SAMTOR: variants seen among roughly 807,000 people sequenced by gnomAD.
The protein encoded by SAMTOR is S-adenosylmethionine sensor upstream of mTORC1, also known as UPF0532 protein C7orf60.
chr7:112,828,322 T>C, the SAMTOR span, among the ~76,000 whole-genome samples: 1 of 152,194 alleles, frequency 6.6e-6, no homozygotes, highest in Admixed American at 6.5e-5. Flanking sequence ...TTTTGAGGGC[T>C]GTGAGGGAGA....
At chr7:112,876,534 A>G in the SAMTOR span, among the ~76,000 whole-genome samples, 1 of 152,126 alleles carries the variant, frequency 6.6e-6, no homozygotes, top group Non-Finnish European at 1.5e-5. Context: ...TACCTCAACC[A>G]GGTATTACAA....
chr7:112,905,056 A>G, the SAMTOR span, among the ~76,000 whole-genome samples: 11 of 152,132 alleles, frequency 7.2e-5, no homozygotes, highest in African/African-American at 2.7e-4. Context: ...CCACTACTAA[A>G]TCAACTCAAG....
chr7:112,856,895 C>A, the SAMTOR span, among the ~76,000 whole-genome samples: 3 of 152,070 alleles, frequency 2.0e-5, no homozygotes, highest in African/African-American at 7.2e-5. Context: ...ATACAGATAG[C>A]TTCAGCTCCA....
At chr7:112,838,672 G>A in the SAMTOR span, among the ~76,000 whole-genome samples, 1 of 151,514 alleles carries the variant, frequency 6.6e-6, no homozygotes, top group South Asian at 2.1e-4. Context: ...AACACAGAAG[G>A]AAAACCAATA....
At chr7:112,929,089 C>T in the SAMTOR span, among the ~76,000 whole-genome samples, 1 of 151,792 alleles carries the variant, frequency 6.6e-6, no homozygotes, top group African/African-American at 2.4e-5. Context: ...TAACTCTATC[C>T]TAATTCTCCT....
At chr7:112,853,261 C>T in the SAMTOR span, among the ~76,000 whole-genome samples, 4 of 151,408 alleles carry the variant, frequency 2.6e-5, no homozygotes, top group Non-Finnish European at 4.4e-5. Context: ...CTTTATTCAG[C>T]GGAAAAGAAT....
chr7:112,840,600 T>C, the SAMTOR span, among the ~76,000 whole-genome samples: 1 of 151,918 alleles, frequency 6.6e-6, no homozygotes, highest in African/African-American at 2.4e-5. Context: ...GACAAGATAA[T>C]AATGTTATCT....
the SAMTOR span, among the ~76,000 whole-genome samples, chr7:112,919,820 C>T: frequency 2.6e-5 from 4 of 152,158 alleles, no homozygotes; most frequent in African/African-American, 7.2e-5. Context: ...ACTACAAACA[C>T]CTCTACGCAA....
At chr7:112,876,265 T>C in the SAMTOR span, among the ~76,000 whole-genome samples, 1 of 151,732 alleles carries the variant, frequency 6.6e-6, no homozygotes, top group Admixed American at 6.5e-5. Flanking sequence ...TGGACTGCAG[T>C]TGAGACTTCT....
chr7:112,894,120 T>C, the SAMTOR span, among the ~76,000 whole-genome samples: 1 of 147,326 alleles, frequency 6.8e-6, no homozygotes, highest in African/African-American at 2.5e-5. Context: ...TGGCCAAATT[T>C]CCCTAGTGTC....
chr7:112,939,733 G>A, the SAMTOR span: 2 of 1,602,664 alleles, frequency 1.2e-6, no homozygotes, highest in East Asian at 4.5e-5. Context: ...TATTTCGGCC[G>A]CCGGCCCCTG....
the SAMTOR span, among the ~76,000 whole-genome samples, chr7:112,901,910 T>C: frequency 2.0e-5 from 3 of 152,256 alleles, no homozygotes; most frequent in African/African-American, 7.2e-5. Context: ...CATAGGTGGA[T>C]GGATAAACTG....
At chr7:112,918,050 C>G in the SAMTOR span, among the ~76,000 whole-genome samples, 3 of 152,144 alleles carry the variant, frequency 2.0e-5, no homozygotes, top group Non-Finnish European at 4.4e-5. Flanking sequence ...AGAACTTCCC[C>G]AATCTAGCAA....
the SAMTOR span, among the ~76,000 whole-genome samples, chr7:112,850,396 C>T: frequency 3.3e-5 from 5 of 152,052 alleles, no homozygotes; most frequent in Admixed American, 1.3e-4. Context: ...CTTTGGAATT[C>T]GGGTGATATT....
At chr7:112,910,509 A>T in the SAMTOR span, among the ~76,000 whole-genome samples, 1 of 152,220 alleles carries the variant, frequency 6.6e-6, no homozygotes, top group African/African-American at 2.4e-5. Context: ...CTGTTAGGAA[A>T]GAGGATTGAT....
chr7:112,929,188 C>A, the SAMTOR span, among the ~76,000 whole-genome samples: 111 of 151,496 alleles, frequency 7.3e-4, 1 homozygote, highest in African/African-American at 2.6e-3. Flanking sequence ...AACCATATAC[C>A]TGATAAGGGG....
At chr7:112,889,557 A>G in the SAMTOR span, among the ~76,000 whole-genome samples, 1 of 152,204 alleles carries the variant, frequency 6.6e-6, no homozygotes, top group Non-Finnish European at 1.5e-5. Flanking sequence ...CAGAGTTTTT[A>G]GAATGAACAA....
chr7:112,917,586 A>C, the SAMTOR span, among the ~76,000 whole-genome samples: 1 of 152,250 alleles, frequency 6.6e-6, no homozygotes, highest in East Asian at 1.9e-4. Context: ...CAACGGAATA[A>C]AGCTTGGCAG....
chr7:112,821,798 T>C, the SAMTOR span: 1 of 1,613,314 alleles, frequency 6.2e-7, no homozygotes, highest in Non-Finnish European at 8.5e-7. Context: ...TAGAGCTGGC[T>C]TGACTTTCTC....
Sources: gnomAD v4.1 joint callset for allele counts (sites outside exome capture counted in the v4.1 genomes callset) on GRCh38, gnomAD v4.1.1 for gene constraint, MANE v1.5 for transcripts, NCBI Gene and HGNC (gene_info 2026-07-23, HGNC 2026-07-21) for gene names.